The following CHD9 variants were observed in gnomAD, a reference collection of about 807,000 sequenced individuals.
CHD9 encodes chromodomain helicase DNA binding protein 9, also known as ATP-dependent chromatin remodeler CHD9.
In CHD9, 77 loss-of-function variants were observed where a neutral mutation model predicts 316.1. The ratio of observed to expected loss-of-function variants is 0.24; its 90% CI spans 0.20 to 0.29. The LOEUF (loss-of-function observed/expected upper bound fraction) is 0.29. Ranked by LOEUF, CHD9 falls within the 10% of genes least tolerant of loss-of-function variation. The probability of loss-of-function intolerance (pLI) is 1.00; values close to 1 mark genes in which losing one functional copy is unlikely to be tolerated. For missense variants in CHD9, 2,763 were observed against 3,438.1 expected (o/e 0.80, Z 4.91); for synonymous variants, 1,129 against 1,158.3 (o/e 0.97, Z 0.51).
At position 53,066,043 on chromosome 16, in the gene CHD9, G is replaced by A. The variant is rs114626597; in HGVS notation, c.-165+10966G>A. Among the ~76,000 whole-genome samples, 967 of 152,218 alleles carry A rather than the reference G, an allele frequency of 6.4e-3. 15 individuals carry two copies. The highest frequency in any genetic ancestry group is 0.022 in the African/African-American group (900 of 41,520). ...TTGGGGTGGCTTACTGCATACCCAC[G>A]AGTAAGAACTTCTTGCAATCAACAG... On this transcript the variant is annotated intron_variant, in intron 1 of 38. Transcript: ENST00000447540.
chr16:53,165,330 A>G (rs556689743), intron 2 of CHD9, among the ~76,000 whole-genome samples: 64 of 152,342 alleles, frequency 4.2e-4, no homozygotes, highest in African/African-American at 1.5e-3. Flanking sequence ...AAAGGTGAAG[A>G]AAGGTAAACA....
chr16:53,254,320 A>G (rs1273563655), intron 17 of CHD9, 118 bp from the exon 18 acceptor site: 8 of 609,418 alleles, frequency 1.3e-5, no homozygotes, highest in African/African-American at 1.1e-4. Context: ...AAAAGGTTAT[A>G]TCTAATTCAA....
At chr16:53,199,304 T>C (rs1364253370) in intron 2 of CHD9, among the ~76,000 whole-genome samples, 6 of 152,200 alleles carry the variant, frequency 3.9e-5, no homozygotes, top group Admixed American at 2.6e-4. Context: ...ACTCTATATC[T>C]TAATATCTGA....
chr16:53,296,421 C>G (rs1239903159), intron 29 of CHD9, among the ~76,000 whole-genome samples: 1 of 146,712 alleles, frequency 6.8e-6, no homozygotes, highest in Admixed American at 6.8e-5. Flanking sequence ...CTGTCCTTAA[C>G]TATTAAAAGT....
At chr16:53,130,578 C>T (rs1243576355) in intron 1 of CHD9, among the ~76,000 whole-genome samples, 1 of 150,650 alleles carries the variant, frequency 6.6e-6, no homozygotes, top group African/African-American at 2.4e-5. Context: ...ACTGCACTGC[C>T]CCGCGCTCCG....
chr16:53,229,377 A>G (rs2047965751), intron 8 of CHD9, among the ~76,000 whole-genome samples: 1 of 152,216 alleles, frequency 6.6e-6, no homozygotes, highest in Non-Finnish European at 1.5e-5. Context: ...AATATTACCA[A>G]TAATATATCA....
intron 1 of CHD9, among the ~76,000 whole-genome samples, chr16:53,092,866 T>C (rs543491355): frequency 2.0e-5 from 3 of 152,182 alleles, no homozygotes; most frequent in African/African-American, 7.2e-5. Context: ...GCAGCCTCAA[T>C]CTCTCAACCT....
At chr16:53,271,812 G>A (rs2052299201) in intron 22 of CHD9, among the ~76,000 whole-genome samples, 2 of 152,040 alleles carry the variant, frequency 1.3e-5, no homozygotes, top group Admixed American at 1.3e-4. Context: ...GATGAATCTG[G>A]GAAAATCTTG....
At chr16:53,187,971 G>C (rs1299160886) in intron 2 of CHD9, among the ~76,000 whole-genome samples, 1 of 152,152 alleles carries the variant, frequency 6.6e-6, no homozygotes, top group Non-Finnish European at 1.5e-5. Flanking sequence ...ACTCCCAAAA[G>C]AAATCCCACA....
intron 2 of CHD9, among the ~76,000 whole-genome samples, chr16:53,185,618 A>G (rs2043927924): frequency 6.6e-6 from 1 of 152,256 alleles, no homozygotes; most frequent in Non-Finnish European, 1.5e-5. Context: ...AAGTGTCTCC[A>G]AGGCATGTCA....
Position 53,286,325 on chromosome 16 carries a change from C to A in CHD9, c.5171C>A (p.Ala1724Glu). ...DEKAVAAEQR[A>E]NDYMDGDVED... ...AAAGCAGTTGCTGCTGAACAGAGAG[C>A]GAATGATTATATGGATGGGTATGTG... The change falls in exon 26 of 39, where the codon GCG becomes GAG. Residue 1724 changes from alanine to glutamate, a missense_variant. Ala to Glu is a moderately radical substitution (Grantham distance 107). Coordinates refer to ENST00000447540, the MANE Select transcript of CHD9 (RefSeq NM_001308319.2). 3.1e-6 allele frequency: 5 copies of A among 1,601,854 alleles called. No individual in the cohort carries two copies. The highest frequency in any genetic ancestry group is 4.3e-6 in the Non-Finnish European group (5 of 1,169,294).
chr16:53,059,042 T>A (rs2032537255), intron 1 of CHD9, among the ~76,000 whole-genome samples: 1 of 152,148 alleles, frequency 6.6e-6, no homozygotes, highest in African/African-American at 2.4e-5. Flanking sequence ...GGTCTTACTG[T>A]GTTGCCTAGG....
Position 53,307,748 on chromosome 16 carries a change from C to T in CHD9, c.6848C>T (p.Ala2283Val), listed in dbSNP as rs1301508216. 6.2e-7 allele frequency: 1 copy of T among 1,612,392 alleles called. No homozygotes were observed. The highest frequency in any genetic ancestry group is 8.5e-7 in the Non-Finnish European group (1 of 1,179,260). The change falls in exon 33 of 39, where the codon GCT (alanine) becomes GTT (valine). Residue 2283 changes from alanine to valine, a missense_variant. This residue lies in a region of CHD9 where 663 missense variants were observed against 751.2 expected (regional missense o/e 0.88). Coordinates refer to ENST00000447540, the MANE Select transcript of CHD9 (RefSeq NM_001308319.2). ...QTVLKGKWPS[A>V]RRSYDANTVA... ...GTTCTGAAAGGAAAGTGGCCTTCAG[C>T]TAGAAGAAGTTATGATGCTAACACA... is the stretch of plus-strand genomic sequence containing the variant.
At chr16:53,229,222 C>T (rs1597532383) in intron 8 of CHD9, 122 bp downstream of exon 8, 3 of 527,540 alleles carry the variant, frequency 5.7e-6, no homozygotes, top group East Asian at 6.1e-5. Flanking sequence ...AATACAAATG[C>T]TACCTAAATA....
intron 1 of CHD9, among the ~76,000 whole-genome samples, chr16:53,107,465 AAAATAAAATAAAATAAAATAAAAT>A (rs1205259527): frequency 5.7e-5 from 8 of 141,228 alleles, no homozygotes; most frequent in African/African-American, 7.8e-5. Context: ...ATCTCAAAAT[AAAATAAAATAAAATAAAATAAAAT>A]AAATAAAATA....
intron 24 of CHD9, among the ~76,000 whole-genome samples, chr16:53,284,420 A>G (rs1411207965): frequency 2.6e-5 from 4 of 151,812 alleles, no homozygotes; most frequent in Non-Finnish European, 5.9e-5. Flanking sequence ...ATATAAATTG[A>G]TACTTAATCA....
intron 1 of CHD9, among the ~76,000 whole-genome samples, chr16:53,101,273 C>CTTTTTTTTTTTTTTTTTTTTTTTTTTT (rs1012377760): frequency 8.0e-6 from 1 of 124,858 alleles, no homozygotes; most frequent in Non-Finnish European, 1.7e-5. Context: ...TTTTCCTTTT[C>CTTTTTTTTTTTTTTTTTTTTTTTTTTT]TTTTTTTTTT....
chr16:53,320,954 C>A (rs1453008535), intron 37 of CHD9, among the ~76,000 whole-genome samples: 3 of 152,072 alleles, frequency 2.0e-5, no homozygotes, highest in Non-Finnish European at 2.9e-5. Flanking sequence ...GGCTCAGTTT[C>A]TTCGTTTGAA....
chr16:53,322,101 G>C (rs2057314606), intron 38 of CHD9, among the ~76,000 whole-genome samples: 1 of 150,360 alleles, frequency 6.7e-6, no homozygotes, highest in African/African-American at 2.4e-5. Context: ...GGGTTCAAGT[G>C]ATTCTCATGC....
Sources: allele counts gnomAD v4.1 joint callset (sites outside exome capture counted in the v4.1 genomes callset), GRCh38; gene constraint gnomAD v4.1.1; regional missense constraint gnomAD v4.1.1; transcripts MANE v1.5; gene names NCBI Gene and HGNC (gene_info 2026-07-23, HGNC 2026-07-21).